DEAF1: variants seen among roughly 807,000 people sequenced by gnomAD.
The protein encoded by DEAF1 is deformed epidermal autoregulatory factor 1 homolog.
DEAF1 carries 53 observed loss-of-function variants against 58.9 expected under a neutral mutation model. That is an observed-to-expected ratio of 0.90 (90% CI 0.72 to 1.13). DEAF1 has a LOEUF of 1.13. Ranked by LOEUF, DEAF1 falls within the 50% of genes most tolerant of loss-of-function variation. DEAF1 has a pLI of 0.00. For missense variants in DEAF1, 685 were observed against 791.4 expected, an observed-to-expected ratio of 0.87 and a Z score of 1.61; for synonymous variants, 385 against 340.4, an observed-to-expected ratio of 1.13 and a Z score of -1.44.
upstream of DEAF1, chr11:695,778 G>T: frequency 8.1e-7 from 1 of 1,237,398 alleles, no homozygotes; most frequent in Non-Finnish European, 1.0e-6. Context: ...CGAGCGCGCG[G>T]GCCGAGAGGC....
At chr11:686,170 T>A (rs1266845039) in intron 5 of DEAF1, among the ~76,000 whole-genome samples, 1 of 149,046 alleles carries the variant, frequency 6.7e-6, no homozygotes, top group Non-Finnish European at 1.5e-5. Flanking sequence ...CGGGCACCTG[T>A]AATCCCAGCT....
At chr11:645,352 T>C (rs1197785198) in intron 11 of DEAF1, among the ~76,000 whole-genome samples, 2 of 151,238 alleles carry the variant, frequency 1.3e-5, no homozygotes, top group African/African-American at 4.9e-5. Context: ...AGTTTCGCTC[T>C]TGTTTCCCAG....
chr11:705,906 C>T (rs964631507), intron 1 of DEAF1, among the ~76,000 whole-genome samples: 3 of 152,236 alleles, frequency 2.0e-5, no homozygotes, highest in Non-Finnish European at 4.4e-5. Context: ...CTGCTCATCC[C>T]GCGGAGGCGG....
chr11:679,585 C>T (rs530483103), intron 8 of DEAF1, 103 bp downstream of exon 8: 131 of 1,565,014 alleles, frequency 8.4e-5, no homozygotes, highest in Admixed American at 6.7e-5. Flanking sequence ...AGGCCCCTCT[C>T]GAGGCACCCA....
chr11:679,678 A>T lies in DEAF1; in HGVS notation c.1126+10T>A, dbSNP rs777394799. The T allele has an allele frequency of 2.0e-5, 33 of 1,610,930 alleles. No individual in the cohort carries two copies. In the Admixed American group the frequency reaches 5.5e-4, roughly 27 times the overall value. ...TGAGGACGCGTCAGGCAGGCACTGG[A>T]GCAGCTCACCTGTGGCCCCTGCGAA... On this transcript the variant is annotated intron_variant, in intron 8 of 11. Coordinates refer to ENST00000382409, the MANE Select transcript of DEAF1 (RefSeq NM_021008.4).
rs1564918519 is a variant in DEAF1 at position 644,700 on chromosome 11, C to G, written c.1594-46G>C. The G allele has an allele frequency of 6.6e-7, 1 of 1,505,372 alleles. No individual in the cohort carries two copies. Among genetic ancestry groups the G allele is most frequent in the South Asian group, 1.2e-5 (1 of 84,794 alleles). The allele number at this position is 1,505,372 out of a possible 1,614,324, so 93.3% of individuals were successfully genotyped here. On this transcript the variant is annotated intron_variant, in intron 11 of 11. Transcript: ENST00000382409. The surrounding 1 kb of genome is among the most constrained non-coding windows in gnomAD (Gnocchi z 4.3). The stretch of plus-strand genomic sequence containing the variant: ...ATGTCAGCAGGGTCAGTGGGTGGAG[C>G]AGGGTCTGGGCAGGGTCCCCAAGGC...
chr11:650,866 G>A (rs967164630), intron 11 of DEAF1, among the ~76,000 whole-genome samples: 7 of 152,048 alleles, frequency 4.6e-5, no homozygotes, highest in African/African-American at 1.7e-4. Context: ...ATGCCACTGC[G>A]CTCCAGTCTG....
At chr11:697,181 G>T (rs1590032508), upstream of DEAF1, among the ~76,000 whole-genome samples, 1 of 151,564 alleles carries the variant, frequency 6.6e-6, no homozygotes, top group Non-Finnish European at 1.5e-5. Flanking sequence ...TGGAGCCCAG[G>T]AGGTTGAGAC....
At position 694,964 on chromosome 11, in the gene DEAF1, CGCCGCCGCCACAGCGGCCGCG is replaced by C. The variant is rs1019773058; in HGVS notation, c.63_83del (p.Val25_Ala31del). The C allele has an allele frequency of 2.7e-5, 31 of 1,164,146 alleles. 5 individuals carry two copies. The highest frequency in any genetic ancestry group is 3.1e-5 in the Non-Finnish European group (29 of 945,096). The allele number at this position is 1,164,146 out of a possible 1,614,324, so 72.1% of individuals were successfully genotyped here. On this transcript the variant is annotated inframe_deletion, in exon 1 of 12. Transcript: ENST00000382409. The stretch of plus-strand genomic sequence containing the variant: ...CCTCGCCTCCTGCCGCGGCCGCGGC[CGCCGCCGCCACAGCGGCCGCG>C]GCCGCCACCGCCGCCGCCTCAGCCA...
At chr11:691,375 C>A in intron 2 of DEAF1, 126 bp downstream of exon 2, 1 of 854,714 alleles carries the variant, frequency 1.2e-6, no homozygotes, top group East Asian at 2.7e-5. Flanking sequence ...CGAGCCAGTG[C>A]GTCCCTCCCC....
chr11:665,109 AGAG>A (rs916407564), intron 10 of DEAF1, among the ~76,000 whole-genome samples: 1 of 137,146 alleles, frequency 7.3e-6, no homozygotes, highest in Non-Finnish European at 1.6e-5. Flanking sequence ...ATTCACACCG[AGAG>A]GAGGAGGACA....
intron 10 of DEAF1, among the ~76,000 whole-genome samples, chr11:667,101 G>T: frequency 6.6e-6 from 1 of 151,966 alleles, no homozygotes; most frequent in Admixed American, 6.6e-5. Context: ...TCAGAAGGCT[G>T]AGGTAAGAGG....
At chr11:703,155 G>T in intron 1 of DEAF1, 1 of 1,599,354 alleles carries the variant, frequency 6.3e-7, no homozygotes, top group Non-Finnish European at 8.5e-7. Flanking sequence ...AGGTAGCTAC[G>T]GACACCCGGG....
chr11:692,595 G>A (rs150362323), intron 1 of DEAF1, among the ~76,000 whole-genome samples: 269 of 152,286 alleles, frequency 1.8e-3, no homozygotes, highest in African/African-American at 6.3e-3. Flanking sequence ...GCTCACGCCT[G>A]TAATCCCAGC....
intron 11 of DEAF1, among the ~76,000 whole-genome samples, chr11:645,858 G>T (rs1858468598): frequency 6.6e-6 from 1 of 152,194 alleles, no homozygotes; most frequent in South Asian, 2.1e-4. Context: ...GTGCACGGGG[G>T]CGTGATAGGT....
At chr11:676,527 G>A (rs964649810) in intron 9 of DEAF1, among the ~76,000 whole-genome samples, 28 of 151,464 alleles carry the variant, frequency 1.8e-4, no homozygotes, top group Non-Finnish European at 2.7e-4. Flanking sequence ...GGAGGGAAGT[G>A]GCTAAATCAG....
intron 11 of DEAF1, chr11:651,291 G>T (rs2133280207): frequency 4.5e-6 from 1 of 222,186 alleles, no homozygotes; most frequent in African/African-American, 2.4e-5. Context: ...AAAAACTTCT[G>T]TTGGCTGGTG....
intron 10 of DEAF1, among the ~76,000 whole-genome samples, chr11:672,857 A>AT (rs1859890181): frequency 6.6e-6 from 1 of 152,060 alleles, no homozygotes; most frequent in Non-Finnish European, 1.5e-5. Flanking sequence ...CAAAAAAAAA[A>AT]ATTTTTTTTA....
chr11:652,530 C>T (rs923249692), intron 11 of DEAF1, among the ~76,000 whole-genome samples: 14 of 151,912 alleles, frequency 9.2e-5, no homozygotes, highest in African/African-American at 2.7e-4. Flanking sequence ...CCCAGCTACT[C>T]GGGAGGCTGA....
Sources: gnomAD v4.1 joint callset for allele counts (sites outside exome capture counted in the v4.1 genomes callset) on GRCh38, gnomAD v4.1.1 for gene constraint, Gnocchi (gnomAD v3.1) non-coding constraint, MANE v1.5 for transcripts, NCBI Gene and HGNC (gene_info 2026-07-23, HGNC 2026-07-21) for gene names.